The following FGD6 variants were observed in gnomAD, a reference collection of about 807,000 sequenced individuals.
The protein encoded by FGD6 is FYVE, RhoGEF and PH domain containing 6.
FGD6 carries 90 observed loss-of-function variants against 149.4 expected under a neutral mutation model. That is an observed-to-expected ratio of 0.60 (90% CI 0.51 to 0.72). The LOEUF (loss-of-function observed/expected upper bound fraction) is 0.72. Ranked by LOEUF, FGD6 falls within the 30% of genes least tolerant of loss-of-function variation. The probability of loss-of-function intolerance (pLI) is 0.00; values close to 1 mark genes in which losing one functional copy is unlikely to be tolerated. For synonymous variants in FGD6, 527 were observed against 584.0 expected (o/e 0.90, Z 1.41); for missense variants, 1,437 against 1,684.8 (o/e 0.85, Z 2.57).
chr12:95,129,770 T>TC (rs1309917798), intron 8 of FGD6, among the ~76,000 whole-genome samples: 1 of 152,178 alleles, frequency 6.6e-6, no homozygotes, highest in African/African-American at 2.4e-5. Context: ...CCTCCCAGGT[T>TC]CAAGTGATTC....
chr12:95,116,848 A>T (rs868087728), intron 8 of FGD6: 2 of 455,996 alleles, frequency 4.4e-6, no homozygotes, highest in Middle Eastern at 6.5e-4. Context: ...CTTGGCAAAG[A>T]GAGCAGGGCC....
chr12:95,098,053 A>T (rs906513978), intron 14 of FGD6, among the ~76,000 whole-genome samples: 2 of 152,118 alleles, frequency 1.3e-5, no homozygotes, highest in East Asian at 3.8e-4. Context: ...TGGTGCCCAA[A>T]TATATGTCTC....
intron 5 of FGD6, among the ~76,000 whole-genome samples, chr12:95,147,278 A>C (rs1470704187): frequency 6.6e-6 from 1 of 152,196 alleles, no homozygotes; most frequent in Non-Finnish European, 1.5e-5. Flanking sequence ...TGTTTTTAAA[A>C]TAAAAATATT....
At chr12:95,103,242 G>A (rs143819109) in intron 14 of FGD6, among the ~76,000 whole-genome samples, 3 of 152,286 alleles carry the variant, frequency 2.0e-5, no homozygotes, top group Admixed American at 6.5e-5. Flanking sequence ...TTACAAAAGC[G>A]TTTGCTTCTA....
intron 14 of FGD6, among the ~76,000 whole-genome samples, chr12:95,103,804 T>C (rs1878523542): frequency 6.6e-6 from 1 of 152,220 alleles, no homozygotes; most frequent in African/African-American, 2.4e-5. Flanking sequence ...CCCAAAGTGC[T>C]TGATTACAGG....
chr12:95,111,182 T>C (rs1878810994), intron 9 of FGD6, among the ~76,000 whole-genome samples: 2 of 152,122 alleles, frequency 1.3e-5, no homozygotes, highest in Admixed American at 6.5e-5. Flanking sequence ...GGTTTTGCCA[T>C]GTTGCCCAGG....
chr12:95,110,338 A>G (rs1411338529), intron 9 of FGD6, among the ~76,000 whole-genome samples: 1 of 146,098 alleles, frequency 6.8e-6, no homozygotes, highest in Admixed American at 7.2e-5. Flanking sequence ...TTCCTTATAT[A>G]GAGACCCTGA....
chr12:95,108,562 C>T lies in FGD6; in HGVS notation c.3134-1G>A. 1.2e-6 allele frequency: 2 copies of T among 1,613,954 alleles called. No homozygotes were observed. The highest frequency in any genetic ancestry group is 1.7e-6 in the Non-Finnish European group (2 of 1,179,870). On this transcript the variant is annotated splice_acceptor_variant, in intron 9 of 20. Coordinates refer to ENST00000343958, the MANE Select transcript of FGD6 (RefSeq NM_018351.4). LOFTEE classifies it high-confidence loss of function. ...ACCTCTATAACAACAGCAAGGGCAT[C>T]TGAAATAGGCAGGAACAAAACGTGC...
At chr12:95,082,310 T>A (rs952988087) in intron 20 of FGD6, among the ~76,000 whole-genome samples, 1 of 152,094 alleles carries the variant, frequency 6.6e-6, no homozygotes, top group African/African-American at 2.4e-5. Flanking sequence ...GTTTCAAGAT[T>A]TGCAATTAAA....
intron 5 of FGD6, among the ~76,000 whole-genome samples, chr12:95,142,247 T>C (rs1484758399): frequency 2.0e-5 from 3 of 151,970 alleles, no homozygotes; most frequent in African/African-American, 7.3e-5. Flanking sequence ...GTTCAAGCTA[T>C]TCTCCTGCCT....
intron 2 of FGD6, among the ~76,000 whole-genome samples, chr12:95,185,659 G>A (rs1430895919): frequency 5.3e-5 from 8 of 152,096 alleles, no homozygotes; most frequent in African/African-American, 9.7e-5. Flanking sequence ...TCAGGAGTTC[G>A]AGACCAGCCT....
chr12:95,167,267 C>T (rs1880846725), intron 3 of FGD6, among the ~76,000 whole-genome samples: 1 of 152,092 alleles, frequency 6.6e-6, no homozygotes, highest in Non-Finnish European at 1.5e-5. Flanking sequence ...AGTAGCATTG[C>T]TAGGTCATAT....
Position 95,081,442 on chromosome 12 carries a change from C to T in FGD6, c.*78G>A. The T allele has an allele frequency of 3.1e-6, 4 of 1,292,662 alleles. No homozygotes were observed. The Admixed American group carries it at 6.3e-5, about 20-fold the overall frequency. 80.1% of individuals were successfully genotyped at this position (1,292,662 alleles called of 1,614,324 possible). ...TATCTTGGCAGTGTTCATTTTTATA[C>T]AATTTTTGAATTGCATTTACTCCAT... is the stretch of plus-strand genomic sequence containing the variant. On this transcript the variant is annotated 3_prime_UTR_variant, in exon 21 of 21. Transcript: ENST00000343958.
At chr12:95,123,241 C>A (rs1454987088) in intron 8 of FGD6, among the ~76,000 whole-genome samples, 1 of 152,004 alleles carries the variant, frequency 6.6e-6, no homozygotes, top group Non-Finnish European at 1.5e-5. Context: ...ATTAAAAATA[C>A]AAAAATTAGC....
At position 95,106,723 on chromosome 12, in the gene FGD6, G is replaced by A. The variant is rs568595497; in HGVS notation, c.3417+231C>T. On this transcript the variant is annotated intron_variant, in intron 13 of 20. Transcript: ENST00000343958. ...CCAGCCTGCCAACATGGTGAAACCCGTCTCTACCGAAAATACAAAAATTAG... is the reference window on the plus strand; with the variant it reads ...CCAGCCTGCCAACATGGTGAAACCCATCTCTACCGAAAATACAAAAATTAG... Among the ~76,000 whole-genome samples, 5 of 152,002 alleles carry A rather than the reference G, an allele frequency of 3.3e-5. No individual in the cohort carries two copies. In the South Asian group the frequency reaches 6.2e-4, roughly 19 times the overall value.
At chr12:95,179,016 G>GAAAATGTTTA (rs1881207404) in intron 2 of FGD6, among the ~76,000 whole-genome samples, 1 of 152,028 alleles carries the variant, frequency 6.6e-6, no homozygotes, top group Admixed American at 6.5e-5. Flanking sequence ...ATATAAACCA[G>GAAAATGTTTA]AAACTGTTTA....
intron 7 of FGD6, among the ~76,000 whole-genome samples, chr12:95,136,624 A>C (rs1359225188): frequency 6.6e-6 from 1 of 152,218 alleles, no homozygotes; most frequent in East Asian, 1.9e-4. Flanking sequence ...TAACTTTGGC[A>C]CCAAAACCAT....
chr12:95,211,192 G>A lies in FGD6; in HGVS notation c.92C>T (p.Ala31Val), dbSNP rs1357771724. 5 of 1,613,614 alleles carry A rather than the reference G, an allele frequency of 3.1e-6. No individual in the cohort carries two copies. In the African/African-American group the frequency reaches 5.3e-5, roughly 17 times the overall value. ...AGAAATCACAATGTCGGGTTTAGGT[G>A]CAATAGGAGGTGGGGCTGGCTTATT... ...ANNKPAPPPI[A>V]PKPDIVISSV... is the part of the protein sequence containing the mutation. The change falls in exon 2 of 21, where the codon GCA becomes GTA. Residue 31 changes from alanine (A) to valine (V), a missense_variant. Coordinates refer to ENST00000343958, the MANE Select transcript of FGD6 (RefSeq NM_018351.4).
At position 95,085,910 on chromosome 12, in the gene FGD6, T is replaced by C; in HGVS notation, c.3979-2A>G. The C allele has an allele frequency of 1.3e-6, 2 of 1,595,808 alleles. No individual in the cohort carries two copies. The highest frequency in any genetic ancestry group is 1.7e-6 in the Non-Finnish European group (2 of 1,175,384). On this transcript the variant is annotated splice_acceptor_variant, in intron 18 of 20. Coordinates refer to ENST00000343958, the MANE Select transcript of FGD6 (RefSeq NM_018351.4). LOFTEE classifies it high-confidence loss of function. Reference sequence around the variant, plus strand: ...AGAATCCTCTGTGTTTGCTGATACCTAGATAAGAAACCCCATACAAAGTTT... The same window carrying C: ...AGAATCCTCTGTGTTTGCTGATACCCAGATAAGAAACCCCATACAAAGTTT...
Sources: gnomAD v4.1 joint callset for allele counts (sites outside exome capture counted in the v4.1 genomes callset) on GRCh38, gnomAD v4.1.1 for gene constraint, MANE v1.5 for transcripts, NCBI Gene and HGNC (gene_info 2026-07-23, HGNC 2026-07-21) for gene names.